The following CHST3 variants were observed in gnomAD, a reference collection of about 807,000 sequenced individuals.
CHST3 encodes carbohydrate sulfotransferase 3.
In CHST3, 20 loss-of-function variants were observed where a neutral mutation model predicts 35.4. That is an observed-to-expected ratio of 0.57 (90% CI 0.40 to 0.82). The LOEUF is 0.82. Among genes scored for constraint, CHST3 ranks in the 40% least tolerant of loss-of-function variants. CHST3 has a pLI of 0.00. For missense variants in CHST3, 693 were observed against 670.1 expected, an observed-to-expected ratio of 1.03 and a Z score of -0.38; for synonymous variants, 334 against 295.9, an observed-to-expected ratio of 1.13 and a Z score of -1.32.
chr10:71,970,059 G>A (rs1839675290), intron 1 of CHST3, among the ~76,000 whole-genome samples: 1 of 152,248 alleles, frequency 6.6e-6, no homozygotes, highest in Non-Finnish European at 1.5e-5. Context: ...GGTGTGGGGT[G>A]GCCCCTGGCA....
chr10:71,972,781 T>C (rs1031238743), intron 1 of CHST3, among the ~76,000 whole-genome samples: 21 of 152,226 alleles, frequency 1.4e-4, no homozygotes, highest in Admixed American at 1.4e-3. Context: ...TCTGTAGCCT[T>C]CCCAGCTGCC....
intron 1 of CHST3, among the ~76,000 whole-genome samples, chr10:72,001,401 G>A (rs374276685): frequency 2.6e-5 from 4 of 152,342 alleles, no homozygotes; most frequent in African/African-American, 9.6e-5. Context: ...CCCAAGCAGG[G>A]GATACCACCC....
At chr10:71,984,850 G>A (rs904062969) in intron 1 of CHST3, among the ~76,000 whole-genome samples, 3 of 152,168 alleles carry the variant, frequency 2.0e-5, no homozygotes, top group East Asian at 1.9e-4. Context: ...TTTCCTTCCT[G>A]TTCCTAGTGC....
chr10:72,004,297 G>C (rs1840018093), intron 1 of CHST3, among the ~76,000 whole-genome samples: 2 of 152,154 alleles, frequency 1.3e-5, no homozygotes, highest in South Asian at 4.1e-4. Context: ...GGGCCCAGAT[G>C]AACTCCCTGT....
At chr10:71,990,460 T>C (rs1839887763) in intron 1 of CHST3, among the ~76,000 whole-genome samples, 1 of 152,142 alleles carries the variant, frequency 6.6e-6, no homozygotes, top group Non-Finnish European at 1.5e-5. Context: ...ACCTCCCACG[T>C]TCAAGCAATT....
rs533171805 is a variant in CHST3 at position 71,982,783 on chromosome 10, G to A, written c.-108+18089G>A. On this transcript the variant is annotated intron_variant, in intron 1 of 2. Transcript: ENST00000373115. ...GAAAGAAAGTAAGTGTTATTTGAAG[G>A]TACTAAGTTTGTGGCAATGTGTTAC... Among the ~76,000 whole-genome samples the A allele has an allele frequency of 3.9e-5, 6 of 152,276 alleles. No homozygotes were observed. The East Asian group carries it at 1.2e-3, about 29-fold the overall frequency.
At chr10:71,996,436 A>G (rs1044556369) in intron 1 of CHST3, among the ~76,000 whole-genome samples, 1 of 130,760 alleles carries the variant, frequency 7.6e-6, no homozygotes, top group Non-Finnish European at 1.6e-5. Context: ...CCCCCCCCCA[A>G]CGTATGTGTC....
chr10:72,001,492 A>C (rs1272705934), intron 1 of CHST3, among the ~76,000 whole-genome samples: 1 of 149,688 alleles, frequency 6.7e-6, no homozygotes, highest in Non-Finnish European at 1.5e-5. Flanking sequence ...TTTTTTTTTG[A>C]GACAGAGTTT....
chr10:71,970,942 A>C (rs950051063), intron 1 of CHST3, among the ~76,000 whole-genome samples: 1 of 152,198 alleles, frequency 6.6e-6, no homozygotes, highest in Non-Finnish European at 1.5e-5. Context: ...CTGGAGTCCT[A>C]TCAGCTCAGG....
At position 72,012,370 on chromosome 10, in the gene CHST3, C is replaced by G. The variant is rs554057920; in HGVS notation, c.*3899C>G. 6.6e-6 allele frequency: 1 copy of G among 152,344 alleles called. No individual in the cohort carries two copies. The highest frequency in any genetic ancestry group is 1.9e-4 in the East Asian group (1 of 5,206). The allele number at this position is 152,344 out of a possible 1,614,324, so 9.4% of individuals were successfully genotyped here. On this transcript the variant is annotated 3_prime_UTR_variant, in exon 3 of 3. Coordinates refer to ENST00000373115, the MANE Select transcript of CHST3 (RefSeq NM_004273.5). ...ACTAGGGCCTATTGACCGTAGAGGC[C>G]AGGTGCGGTGGCTCATACCTGTAAT... is the stretch of plus-strand genomic sequence containing the variant.
chr10:71,990,062 G>C (rs1023089596), intron 1 of CHST3, among the ~76,000 whole-genome samples: 1 of 152,164 alleles, frequency 6.6e-6, no homozygotes, highest in Non-Finnish European at 1.5e-5. Context: ...TCGATTTATT[G>C]TTGTATATGT....
At chr10:71,979,287 G>A (rs1195426000) in intron 1 of CHST3, among the ~76,000 whole-genome samples, 1 of 152,202 alleles carries the variant, frequency 6.6e-6, no homozygotes, top group Non-Finnish European at 1.5e-5. Context: ...GGAGAGGGTG[G>A]AGGTGAGGAC....
rs915232825 is a variant in CHST3, at chr10:72,011,590, G to T, written c.*3119G>T. ...TGCCAGAAGCCTTCCCCTGCAAGGT[G>T]CCCACCTGCCCGGAGACAGAGGGAG... On this transcript the variant is annotated 3_prime_UTR_variant, in exon 3 of 3. Transcript: ENST00000373115. 5 of 152,264 alleles carry T rather than the reference G, an allele frequency of 3.3e-5. No homozygotes were observed. Among genetic ancestry groups the T allele is most frequent in the Non-Finnish European group, 7.3e-5 (5 of 68,092 alleles). 9.4% of individuals were successfully genotyped at this position (152,264 alleles called of 1,614,324 possible).
chr10:72,008,106 C>T lies in CHST3; in HGVS notation c.1075C>T (p.Pro359Ser). 1 of 1,544,954 alleles carries T rather than the reference C, an allele frequency of 6.5e-7. No homozygotes were observed. Among genetic ancestry groups the T allele is most frequent in the Non-Finnish European group, 8.7e-7 (1 of 1,143,850 alleles). ...RLSAELGLRQ[P>S]AWLRGRYMLV... ...GTCCGCGGAGCTGGGGCTGCGGCAG[C>T]CCGCCTGGCTGCGGGGCCGCTACAT... Residue 359 changes from proline to serine, a missense_variant, in exon 3 of 3, where the codon CCC becomes TCC. By Grantham distance (74) the Pro-to-Ser change is moderately conservative (BLOSUM62 -1). Coordinates refer to ENST00000373115, the MANE Select transcript of CHST3 (RefSeq NM_004273.5).
At chr10:72,006,021 G>A in intron 2 of CHST3, 39 bp downstream of exon 2, 1 of 1,524,998 alleles carries the variant, frequency 6.6e-7, no homozygotes, top group East Asian at 2.3e-5. Context: ...TTCCTTTCAA[G>A]GTGGGGTGGG....
intron 1 of CHST3, among the ~76,000 whole-genome samples, chr10:71,965,435 C>T (rs1461754612): frequency 6.6e-6 from 1 of 152,168 alleles, no homozygotes; most frequent in Non-Finnish European, 1.5e-5. Flanking sequence ...ACCCTTCCCC[C>T]CAGCGGATGT....
At chr10:71,977,890 T>C (rs73287816) in intron 1 of CHST3, among the ~76,000 whole-genome samples, 15,583 of 152,142 alleles carry the variant, frequency 0.1, 2,418 homozygotes, top group African/African-American at 0.33. Context: ...GGCTGATTTT[T>C]TTATTTTTTT....
At chr10:72,001,444 T>C (rs28544949) in intron 1 of CHST3, among the ~76,000 whole-genome samples, 2,104 of 152,034 alleles carry the variant, frequency 0.014, 58 homozygotes, top group African/African-American at 0.048. Flanking sequence ...TGCTGGGGCA[T>C]TGAGGGGATG....
At chr10:71,980,012 T>A (rs79818264) in intron 1 of CHST3, among the ~76,000 whole-genome samples, 1,590 of 152,298 alleles carry the variant, frequency 0.01, 18 homozygotes, top group African/African-American at 0.037. Flanking sequence ...TTCCCTTCTG[T>A]CCGCTGCCTA....
Sources: allele counts gnomAD v4.1 joint callset (sites outside exome capture counted in the v4.1 genomes callset), GRCh38; gene constraint gnomAD v4.1.1; transcripts MANE v1.5; gene names NCBI Gene and HGNC (gene_info 2026-07-23, HGNC 2026-07-21).